Variants in NLK observed in about 807,000 individuals in gnomAD.
The protein encoded by NLK is serine/threonine-protein kinase NLK.
Under a neutral mutation model 59.0 loss-of-function variants are expected in NLK, and 11 were observed. The observed-to-expected ratio is 0.19, with a 90% CI of 0.12 to 0.31. NLK has a LOEUF of 0.31. NLK is among the 10% of genes least tolerant of loss of function. The probability of loss-of-function intolerance (pLI) is 1.00; values close to 1 mark genes in which losing one functional copy is unlikely to be tolerated. For missense variants in NLK, 410 were observed against 661.1 expected (o/e 0.62, Z 4.16); for synonymous variants, 235 against 235.9 (o/e 1.00, Z 0.03).
At chr17:28,061,333 C>T (rs1257603645) in intron 1 of NLK, among the ~76,000 whole-genome samples, 2 of 152,098 alleles carry the variant, frequency 1.3e-5, no homozygotes, top group South Asian at 2.1e-4. Context: ...TGGTCTTGAA[C>T]GAACCCAGAG....
chr17:28,042,942 A>G lies in NLK; in HGVS notation c.69A>G (p.Ala23=). The part of the protein sequence containing the change: ...MAAYNGGTSA[A]AAGHHHHHHH... ...CTTACAATGGCGGTACATCTGCAGC[A>G]GCAGCAGGTCACCACCACCACCATC... is the stretch of plus-strand genomic sequence containing the variant. The change falls in exon 1 of 11, where the codon GCA becomes GCG. Residue 23 remains alanine (A), a synonymous_variant. Coordinates refer to ENST00000407008, the MANE Select transcript of NLK (RefSeq NM_016231.5). 6.4e-7 allele frequency: 1 copy of G among 1,551,566 alleles called. No homozygotes were observed. Among genetic ancestry groups the G allele is most frequent in the Non-Finnish European group, 8.7e-7 (1 of 1,146,976 alleles).
the NLK span, among the ~76,000 whole-genome samples, chr17:28,203,947 C>T: frequency 3.9e-5 from 6 of 152,142 alleles, no homozygotes; most frequent in African/African-American, 7.2e-5. Context: ...CTCAGTGGAA[C>T]GCTGACTTCT....
chr17:28,086,686 C>T lies in NLK; in HGVS notation c.459-35917C>T, dbSNP rs1030224780. Among the ~76,000 whole-genome samples, 3 of 151,594 alleles carry T rather than the reference C, an allele frequency of 2.0e-5. No homozygotes were observed. In the East Asian group the frequency reaches 5.8e-4, roughly 29 times the overall value. On this transcript the variant is annotated intron_variant, in intron 1 of 10. Coordinates refer to ENST00000407008, the MANE Select transcript of NLK (RefSeq NM_016231.5). ...GCATTTCCTTCACTTTAATATCTAA[C>T]TCCAGCATAAGTCAGTATAAGTGAC...
Position 28,042,724 on chromosome 17 carries a change from C to T in NLK, c.-150C>T. On this transcript the variant is annotated 5_prime_UTR_variant, in exon 1 of 11. Transcript: ENST00000407008. ...CACACACGCTCACCCCAAAATTAAA[C>T]ACCAAGATCCTCTAACTTGTTTGGA... 2.9e-6 allele frequency: 2 copies of T among 683,664 alleles called. No individual in the cohort carries two copies. Among genetic ancestry groups the T allele is most frequent in the Non-Finnish European group, 4.6e-6 (2 of 436,390 alleles). The allele number at this position is 683,664 out of a possible 1,614,324, so 42.3% of individuals were successfully genotyped here.
chr17:28,191,299 T>A, intron 9 of NLK, 80 bp downstream of exon 9: 1 of 1,108,882 alleles, frequency 9.0e-7, no homozygotes, highest in Non-Finnish European at 1.3e-6. Flanking sequence ...AGCTGAGATC[T>A]GGATGGTAAC....
chr17:28,160,052 T>C (rs939699694), intron 3 of NLK, among the ~76,000 whole-genome samples: 3 of 152,164 alleles, frequency 2.0e-5, no homozygotes, highest in Admixed American at 6.5e-5. Flanking sequence ...GATATACCAG[T>C]CTGCACTTAA....
intron 8 of NLK, among the ~76,000 whole-genome samples, chr17:28,189,019 C>T (rs1909222318): frequency 1.3e-5 from 2 of 151,076 alleles, no homozygotes; most frequent in South Asian, 2.1e-4. Context: ...ACACGCTGAA[C>T]ATCCCTAATT....
the NLK span, among the ~76,000 whole-genome samples, chr17:28,205,076 C>T: frequency 6.6e-6 from 1 of 152,168 alleles, no homozygotes; most frequent in Non-Finnish European, 1.5e-5. Context: ...ATTCATGGAG[C>T]TGGAGATCCC....
intron 1 of NLK, among the ~76,000 whole-genome samples, chr17:28,107,249 CAT>C (rs1905216522): frequency 6.6e-6 from 1 of 151,996 alleles, no homozygotes; most frequent in Non-Finnish European, 1.5e-5. Context: ...GCCTGGCCAA[CAT>C]GATGAGACCC....
chr17:28,049,888 G>A (rs1909188890), intron 1 of NLK, among the ~76,000 whole-genome samples: 1 of 152,144 alleles, frequency 6.6e-6, no homozygotes, highest in African/African-American at 2.4e-5. Flanking sequence ...GCTGAGGCAG[G>A]ATAATCACTT....
chr17:28,108,594 A>G (rs1244057600), intron 1 of NLK, among the ~76,000 whole-genome samples: 1 of 152,234 alleles, frequency 6.6e-6, no homozygotes, highest in Non-Finnish European at 1.5e-5. Context: ...CAACAAATAT[A>G]TACCTGTTTA....
intron 1 of NLK, among the ~76,000 whole-genome samples, chr17:28,063,342 C>T (rs1909728999): frequency 6.6e-6 from 1 of 152,084 alleles, no homozygotes; most frequent in Admixed American, 6.5e-5. Flanking sequence ...TGAGTACTCT[C>T]AATGTTGGAT....
intron 3 of NLK, among the ~76,000 whole-genome samples, chr17:28,134,360 C>T (rs1263945575): frequency 6.6e-6 from 1 of 152,154 alleles, no homozygotes; most frequent in Non-Finnish European, 1.5e-5. Flanking sequence ...GTGATCACAC[C>T]ACTGCACTAT....
At chr17:28,111,932 TGTGTG>T (rs1396175079) in intron 1 of NLK, among the ~76,000 whole-genome samples, 1 of 149,030 alleles carries the variant, frequency 6.7e-6, no homozygotes, top group African/African-American at 2.5e-5. Flanking sequence ...TGTGTGTGTG[TGTGTG>T]TGTGTGTGTA....
chr17:28,043,100 C>T lies in NLK; in HGVS notation c.227C>T (p.Ala76Val), dbSNP rs1221901541. The change falls in exon 1 of 11, where the codon GCA becomes GTA. Residue 76 changes from alanine (A) to valine (V), a missense_variant. Ala to Val is a moderately conservative substitution (Grantham distance 64). Around this residue, in one of 5 missense-constraint regions of NLK, gnomAD observed 160 missense variants for 171.0 expected, o/e 0.94. Coordinates refer to ENST00000407008, the MANE Select transcript of NLK (RefSeq NM_016231.5). ...QHTSSAAAAAAAAAAAAAMLN... is the reference protein window; with the variant it reads ...QHTSSAAAAAVAAAAAAAMLN... Reference sequence around the variant, plus strand: ...ACCTCTTCGGCAGCTGCGGCAGCCGCAGCAGCGGCTGCAGCTGCAGCCATG... The same window carrying T: ...ACCTCTTCGGCAGCTGCGGCAGCCGTAGCAGCGGCTGCAGCTGCAGCCATG... The T allele has an allele frequency of 5.7e-6, 9 of 1,583,992 alleles. No individual in the cohort carries two copies. Among genetic ancestry groups the T allele is most frequent in the Non-Finnish European group, 6.9e-6 (8 of 1,165,294 alleles).
rs201684978 is a variant in NLK at position 28,061,888 on chromosome 17, TATATAC to T, written c.458+18567_458+18572del. ...CATATACATATATATAATATATACA[TATATAC>T]ATATACATACATATATACATATATA... On this transcript the variant is annotated intron_variant, in intron 1 of 10. Coordinates refer to ENST00000407008, the MANE Select transcript of NLK (RefSeq NM_016231.5). The T allele has an allele frequency of 4.6e-3, 667 of 144,450 alleles. 4 individuals are homozygous for T. The highest frequency in any genetic ancestry group is 0.016 in the African/African-American group (626 of 39,290). 8.9% of individuals were successfully genotyped at this position (144,450 alleles called of 1,614,324 possible).
At chr17:28,069,887 T>C (rs2142755682) in intron 1 of NLK, among the ~76,000 whole-genome samples, 1 of 152,272 alleles carries the variant, frequency 6.6e-6, no homozygotes, top group South Asian at 2.1e-4. Flanking sequence ...TTTTGAGAAG[T>C]TAAGTTTATC....
intron 1 of NLK, among the ~76,000 whole-genome samples, 186 bp from the exon 2 acceptor site, chr17:28,122,417 C>T (rs1255090824): frequency 6.6e-6 from 1 of 151,652 alleles, no homozygotes; most frequent in Non-Finnish European, 1.5e-5. Flanking sequence ...GGTGACCAAA[C>T]ATTCTCTTTA....
At chr17:28,178,602 T>G (rs1908776749) in intron 7 of NLK, among the ~76,000 whole-genome samples, 1 of 152,228 alleles carries the variant, frequency 6.6e-6, no homozygotes, top group African/African-American at 2.4e-5. Flanking sequence ...TCTTCAGTTT[T>G]CCTCAGTTTG....
Sources: allele counts gnomAD v4.1 joint callset (sites outside exome capture counted in the v4.1 genomes callset), GRCh38; gene constraint gnomAD v4.1.1; regional missense constraint gnomAD v4.1.1; transcripts MANE v1.5; gene names NCBI Gene and HGNC (gene_info 2026-07-23, HGNC 2026-07-21).